The following THEM4 variants were observed in gnomAD, a reference collection of about 807,000 sequenced individuals.
THEM4 encodes thioesterase superfamily member 4.
In THEM4, 22 loss-of-function variants were observed where a neutral mutation model predicts 25.0. The observed-to-expected ratio is 0.88, with a 90% CI of 0.63 to 1.26. The LOEUF is 1.26. Among genes scored for constraint, THEM4 ranks in the 50% most tolerant of loss-of-function variants. The pLI, the probability that THEM4 is intolerant of heterozygous loss-of-function variation, is 0.00. For synonymous variants in THEM4, 113 were observed against 105.6 expected, an observed-to-expected ratio of 1.07 and a Z score of -0.43; for missense variants, 286 against 300.3, an observed-to-expected ratio of 0.95 and a Z score of 0.35.
In THEM4 at chr1:151,871,897, A is replaced by G. The variant is rs1653561860; in HGVS notation, c.*2991T>C. On this transcript the variant is annotated 3_prime_UTR_variant, in exon 6 of 6. Transcript: ENST00000368814. Reference sequence around the variant, plus strand: ...GTCTAAACTTCCTCCCAACTAGTTAAGTGAAACTAGCTAAATGAGCAGCGC... The same window carrying G: ...GTCTAAACTTCCTCCCAACTAGTTAGGTGAAACTAGCTAAATGAGCAGCGC... Among the ~76,000 whole-genome samples, 1 of 152,220 alleles carries G rather than the reference A, an allele frequency of 6.6e-6. No individual in the cohort carries two copies. Among genetic ancestry groups the G allele is most frequent in the Non-Finnish European group, 1.5e-5 (1 of 68,044 alleles).
Position 151,883,460 on chromosome 1 carries a change from A to G in THEM4, c.557+4813T>C, listed in dbSNP as rs367816693. On this transcript the variant is annotated intron_variant, in intron 4 of 5. Transcript: ENST00000368814. The stretch of plus-strand genomic sequence containing the variant: ...TCAGATTTCATAAGAACTCACTATC[A>G]CTAGAACAGCATGGGGGAAACTGCC... Among the ~76,000 whole-genome samples, 5 of 151,934 alleles carry G rather than the reference A, an allele frequency of 3.3e-5. No homozygotes were observed. In the East Asian group the frequency reaches 9.7e-4, roughly 29 times the overall value.
intron 1 of THEM4, among the ~76,000 whole-genome samples, chr1:151,900,522 T>C (rs894940456): frequency 6.6e-6 from 1 of 152,086 alleles, no homozygotes; most frequent in Admixed American, 6.5e-5. Context: ...CAAGCAGAGA[T>C]AGGTAGCTAT....
At chr1:151,894,068 G>T (rs12067912) in intron 2 of THEM4, among the ~76,000 whole-genome samples, 4,745 of 152,048 alleles carry the variant, frequency 0.031, 261 homozygotes, top group African/African-American at 0.11. Context: ...TCACCATGTT[G>T]GCCAGGCTGG....
At chr1:151,879,845 A>G (rs1653773213) in intron 4 of THEM4, among the ~76,000 whole-genome samples, 2 of 151,056 alleles carry the variant, frequency 1.3e-5, no homozygotes, top group South Asian at 4.2e-4. Context: ...TTTAGTAGAG[A>G]TGGGGTTTCA....
At position 151,873,538 on chromosome 1, in the gene THEM4, G is replaced by C. The variant is rs1415174099; in HGVS notation, c.*1350C>G. The C allele has an allele frequency of 6.6e-6, 1 of 152,216 alleles. No homozygotes were observed. Among genetic ancestry groups the C allele is most frequent in the Non-Finnish European group, 1.5e-5 (1 of 68,050 alleles). The allele number at this position is 152,216 out of a possible 1,614,324, so 9.4% of individuals were successfully genotyped here. ...TAGTTTTGTTGAGGCTCTTTTACAG[G>C]TTGAATTGTGTCCTCCCAAAAAAGG... On this transcript the variant is annotated 3_prime_UTR_variant, in exon 6 of 6. Coordinates refer to ENST00000368814, the MANE Select transcript of THEM4 (RefSeq NM_053055.5).
At chr1:151,891,891 CAAG>C (rs1249450948) in intron 2 of THEM4, among the ~76,000 whole-genome samples, 1 of 152,006 alleles carries the variant, frequency 6.6e-6, no homozygotes, top group Non-Finnish European at 1.5e-5. Context: ...ATGACAGCAA[CAAG>C]GAGGAGAAGA....
chr1:151,892,485 T>C (rs1358046352), intron 2 of THEM4, among the ~76,000 whole-genome samples: 1 of 152,202 alleles, frequency 6.6e-6, no homozygotes, highest in African/African-American at 2.4e-5. Flanking sequence ...GTGCTAACAG[T>C]TGGAAGAGAA....
chr1:151,906,034 G>A (rs902415391), intron 1 of THEM4, among the ~76,000 whole-genome samples: 12 of 152,254 alleles, frequency 7.9e-5, no homozygotes, highest in African/African-American at 1.2e-4. Flanking sequence ...CCACTTTGGC[G>A]GCACTTCAGG....
At chr1:151,883,443 C>T (rs1653889969) in intron 4 of THEM4, among the ~76,000 whole-genome samples, 1 of 152,014 alleles carries the variant, frequency 6.6e-6, no homozygotes, top group African/African-American at 2.4e-5. Context: ...CATCAGATTT[C>T]ATAAGAACTC....
rs1056830283 is a variant in THEM4, at chr1:151,909,490, G to A, written c.-32C>T. The A allele has an allele frequency of 1.5e-6, 2 of 1,345,466 alleles. No individual in the cohort carries two copies. The highest frequency in any genetic ancestry group is 1.8e-5 in the South Asian group (1 of 55,394). The allele number at this position is 1,345,466 out of a possible 1,614,324, so 83.3% of individuals were successfully genotyped here. ...GGGCCGCGGGGCCGCGCTTGCTCTA[G>A]CCCTGGACGGCGCACTCTACCTCCG... On this transcript the variant is annotated 5_prime_UTR_variant, in exon 1 of 6. Coordinates refer to ENST00000368814, the MANE Select transcript of THEM4 (RefSeq NM_053055.5).
rs75657825 is a variant in THEM4 at position 151,889,584 on chromosome 1, G to T, written c.287-211C>A. On this transcript the variant is annotated intron_variant, in intron 2 of 5. Coordinates refer to ENST00000368814, the MANE Select transcript of THEM4 (RefSeq NM_053055.5). ...GGAATTAACAGTCCAACTGGGGACA[G>T]AGTAAACAGACATGAAATCAAAATG... The T allele has an allele frequency of 1.1e-4, 55 of 480,916 alleles. No individual in the cohort carries two copies. The East Asian group carries it at 1.7e-3, about 15-fold the overall frequency. 29.8% of individuals were successfully genotyped at this position (480,916 alleles called of 1,614,324 possible).
chr1:151,902,550 T>C (rs952180360), intron 1 of THEM4, among the ~76,000 whole-genome samples: 7 of 152,154 alleles, frequency 4.6e-5, no homozygotes, highest in African/African-American at 1.7e-4. Context: ...GTGCAGTGTA[T>C]AATGCTCAGG....
At chr1:151,879,175 A>G (rs1182056897) in intron 4 of THEM4, among the ~76,000 whole-genome samples, 1 of 152,190 alleles carries the variant, frequency 6.6e-6, no homozygotes, top group Non-Finnish European at 1.5e-5. Context: ...TAAGAAAATG[A>G]TTAGAAAGCC....
intron 4 of THEM4, among the ~76,000 whole-genome samples, chr1:151,885,992 G>A (rs114579190): frequency 2.5e-3 from 374 of 152,170 alleles, no homozygotes; most frequent in Non-Finnish European, 3.7e-3. Context: ...CTATTATTAT[G>A]AACCTAAATA....
At chr1:151,877,211 T>C in intron 4 of THEM4, 86 bp from the exon 5 acceptor site, 4 of 1,389,474 alleles carry the variant, frequency 2.9e-6, no homozygotes, top group Non-Finnish European at 3.9e-6. Flanking sequence ...TGACAAGGGA[T>C]AGAAATTTAT....
chr1:151,889,174 A>G, intron 3 of THEM4, 40 bp downstream of exon 3: 1 of 1,596,482 alleles, frequency 6.3e-7, no homozygotes, highest in Non-Finnish European at 8.6e-7. Flanking sequence ...GTGTAAGATA[A>G]AAATCTTTTA....
chr1:151,905,427 T>C (rs1431470677), intron 1 of THEM4, among the ~76,000 whole-genome samples: 1 of 151,496 alleles, frequency 6.6e-6, no homozygotes, highest in Non-Finnish European at 1.5e-5. Flanking sequence ...TGAGACAGAG[T>C]CTCACTCTCA....
At chr1:151,894,281 T>C (rs1418836302) in intron 2 of THEM4, among the ~76,000 whole-genome samples, 1 of 152,228 alleles carries the variant, frequency 6.6e-6, no homozygotes, top group Non-Finnish European at 1.5e-5. Context: ...TATACTATAA[T>C]GATGGATATC....
intron 4 of THEM4, among the ~76,000 whole-genome samples, chr1:151,880,240 G>T (rs1264840050): frequency 6.6e-6 from 1 of 151,924 alleles, no homozygotes; most frequent in East Asian, 2.0e-4. Flanking sequence ...CACTTTGGGA[G>T]TCCGAGGTGG....
Sources: allele counts gnomAD v4.1 joint callset (sites outside exome capture counted in the v4.1 genomes callset), GRCh38; gene constraint gnomAD v4.1.1; transcripts MANE v1.5; gene names NCBI Gene and HGNC (gene_info 2026-07-23, HGNC 2026-07-21).